Variants in ATF1 observed in about 807,000 individuals in gnomAD.
The protein encoded by ATF1 is activating transcription factor 1, also known as cyclic AMP-dependent transcription factor ATF-1.
In ATF1, 16 loss-of-function variants were observed where a neutral mutation model predicts 34.7. The ratio of observed to expected loss-of-function variants is 0.46; its 90% confidence interval spans 0.31 to 0.70. The LOEUF (loss-of-function observed/expected upper bound fraction) is 0.70. Ranked by LOEUF, ATF1 falls within the 30% of genes least tolerant of loss-of-function variation. The probability of loss-of-function intolerance (pLI) is 0.05; values close to 1 mark genes in which losing one functional copy is unlikely to be tolerated. For synonymous variants in ATF1, 105 were observed against 113.1 expected (o/e 0.93, Z 0.46); for missense variants, 255 against 321.6 (o/e 0.79, Z 1.58).
intron 3 of ATF1, among the ~76,000 whole-genome samples, chr12:50,804,040 C>G (rs1941566614): frequency 6.6e-6 from 1 of 152,124 alleles, no homozygotes; most frequent in Non-Finnish European, 1.5e-5. Flanking sequence ...GGTTGCACAA[C>G]TGTTAATATA....
chr12:50,787,466 C>T (rs1353408350), intron 2 of ATF1, among the ~76,000 whole-genome samples: 2 of 152,098 alleles, frequency 1.3e-5, no homozygotes, highest in Non-Finnish European at 2.9e-5. Context: ...GGTGTGGTGG[C>T]TCACGCCTGT....
rs576274195 is a variant in ATF1 at position 50,787,740 on chromosome 12, T to TA, written c.93+7514dup. Among the ~76,000 whole-genome samples the TA allele has an allele frequency of 1.5e-3, 211 of 144,858 alleles. 1 individual carries two copies. The highest frequency in any genetic ancestry group is 3.0e-3 in the South Asian group (14 of 4,602). On this transcript the variant is annotated intron_variant, in intron 2 of 6. Coordinates refer to ENST00000262053, the MANE Select transcript of ATF1 (RefSeq NM_005171.5). ...CTAGGTGTCAGAGTGAGGCCTTGTC[T>TA]AAAAAAAAAAAATGGTGACACAGGT...
intron 1 of ATF1, among the ~76,000 whole-genome samples, chr12:50,772,186 C>G (rs1178456085): frequency 1.3e-5 from 2 of 152,130 alleles, no homozygotes; most frequent in East Asian, 1.9e-4. Context: ...AGATTGGTCT[C>G]AAACTCCTGG....
intron 2 of ATF1, among the ~76,000 whole-genome samples, chr12:50,784,684 G>C (rs1240870879): frequency 6.6e-6 from 1 of 152,094 alleles, no homozygotes; most frequent in Admixed American, 6.6e-5. Context: ...TATCTTAAAA[G>C]AATCACTCAG....
At position 50,820,897 on chromosome 12, in the gene ATF1, CAA is replaced by C. The variant is rs772174781; in HGVS notation, c.*1120_*1121del. On this transcript the variant is annotated 3_prime_UTR_variant, in exon 7 of 7. Transcript: ENST00000262053. ...ATATAGTTTAGTAAAATTTGCATCT[CAA>C]AGTATCATTTTTATATTATGGGACG... 44 of 179,156 alleles carry C rather than the reference CAA, an allele frequency of 2.5e-4. No individual in the cohort carries two copies. Among genetic ancestry groups the C allele is most frequent in the Non-Finnish European group, 4.0e-4 (33 of 83,442 alleles). The allele number at this position is 179,156 out of a possible 1,614,324, so 11.1% of individuals were successfully genotyped here.
chr12:50,784,140 G>T (rs1941132352), intron 2 of ATF1, among the ~76,000 whole-genome samples: 1 of 151,790 alleles, frequency 6.6e-6, no homozygotes, highest in Non-Finnish European at 1.5e-5. Context: ...TCCAGGCTGG[G>T]TCACAGCATG....
intron 4 of ATF1, among the ~76,000 whole-genome samples, chr12:50,812,357 G>A (rs912048986): frequency 6.6e-6 from 1 of 152,130 alleles, no homozygotes; most frequent in East Asian, 1.9e-4. Flanking sequence ...GGAAGGATGT[G>A]CACCAAAAAC....
At chr12:50,779,997 C>T (rs567359874) in intron 1 of ATF1, 143 bp from the exon 2 acceptor site, 18 of 475,434 alleles carry the variant, frequency 3.8e-5, no homozygotes, top group South Asian at 1.4e-4. Context: ...AGAAAATGCA[C>T]AGTCCCCTTT....
chr12:50,788,093 A>T, intron 2 of ATF1: 1 of 391,876 alleles, frequency 2.6e-6, no homozygotes, highest in East Asian at 7.4e-5. Flanking sequence ...TAACTCAAAT[A>T]TTGGAAATCA....
At position 50,820,571 on chromosome 12, in the gene ATF1, C is replaced by A. The variant is rs774980065; in HGVS notation, c.*792C>A. The A allele has an allele frequency of 1.7e-4, 30 of 179,266 alleles. No homozygotes were observed. In the Middle Eastern group the frequency reaches 0.014, roughly 82 times the overall value. 11.1% of individuals were successfully genotyped at this position (179,266 alleles called of 1,614,324 possible). ...CTATATTCTGTATGCAGTTGAATATCCATTACTTATTCTGCTGTGCTTTAA... is the reference window on the plus strand; with the variant it reads ...CTATATTCTGTATGCAGTTGAATATACATTACTTATTCTGCTGTGCTTTAA... On this transcript the variant is annotated 3_prime_UTR_variant, in exon 7 of 7. Coordinates refer to ENST00000262053, the MANE Select transcript of ATF1 (RefSeq NM_005171.5).
Position 50,821,072 on chromosome 12 carries a change from C to G in ATF1, c.*1293C>G, listed in dbSNP as rs546687900. The G allele has an allele frequency of 2.0e-4, 36 of 179,412 alleles. No individual in the cohort carries two copies. Among genetic ancestry groups the G allele is most frequent in the African/African-American group, 8.5e-4 (36 of 42,452 alleles). 11.1% of individuals were successfully genotyped at this position (179,412 alleles called of 1,614,324 possible). A position where few individuals can be genotyped will look rare whatever the true frequency, so the allele number is the denominator to read the frequency against. On this transcript the variant is annotated 3_prime_UTR_variant, in exon 7 of 7. Coordinates refer to ENST00000262053, the MANE Select transcript of ATF1 (RefSeq NM_005171.5). ...ACTGCAAAACTATTGTGTGCTCTTA[C>G]ACAGTATGCATCATATTGTTGTCTG... is the stretch of plus-strand genomic sequence containing the variant.
chr12:50,808,152 T>TTTCC (rs1179221205), intron 3 of ATF1, among the ~76,000 whole-genome samples: 1 of 152,182 alleles, frequency 6.6e-6, no homozygotes, highest in African/African-American at 2.4e-5. Flanking sequence ...AGGAATACTT[T>TTTCC]TTCCATCCCT....
At chr12:50,794,087 A>G (rs1280635109) in intron 2 of ATF1, among the ~76,000 whole-genome samples, 1 of 151,684 alleles carries the variant, frequency 6.6e-6, no homozygotes, top group Non-Finnish European at 1.5e-5. Flanking sequence ...AGTAGCTGGG[A>G]CTACAGGCGC....
chr12:50,777,381 G>C (rs1219500434), intron 1 of ATF1, among the ~76,000 whole-genome samples: 1 of 152,026 alleles, frequency 6.6e-6, no homozygotes, highest in Non-Finnish European at 1.5e-5. Context: ...AAGACTAGTG[G>C]TGTATTTGAG....
chr12:50,798,638 GTC>G (rs1263886391), intron 3 of ATF1, among the ~76,000 whole-genome samples: 1 of 151,972 alleles, frequency 6.6e-6, no homozygotes, highest in African/African-American at 2.4e-5. Context: ...TTAAGTAGGG[GTC>G]TCTCAGGAAG....
chr12:50,780,099 G>C (rs1565903006), intron 1 of ATF1, 41 bp from the exon 2 acceptor site: 1 of 1,430,024 alleles, frequency 7.0e-7, no homozygotes, highest in Non-Finnish European at 9.8e-7. Flanking sequence ...TAAACATTCT[G>C]TATCATATTT....
chr12:50,765,482 G>A (rs1411801126), intron 1 of ATF1, among the ~76,000 whole-genome samples: 2 of 152,146 alleles, frequency 1.3e-5, no homozygotes, highest in African/African-American at 2.4e-5. Flanking sequence ...TTTAAATATA[G>A]GGTGTGCTAT....
chr12:50,808,814 A>G (rs1375461732), intron 3 of ATF1, among the ~76,000 whole-genome samples: 2 of 150,064 alleles, frequency 1.3e-5, no homozygotes, highest in Non-Finnish European at 1.5e-5. Flanking sequence ...ACCTCGACTC[A>G]CTGCAACCTC....
intron 1 of ATF1, among the ~76,000 whole-genome samples, chr12:50,779,697 A>G (rs1449282600): frequency 6.6e-6 from 1 of 152,110 alleles, no homozygotes. Flanking sequence ...TAGCCTACAT[A>G]TCCTGAAGTT....
Sources: gnomAD v4.1 joint callset for allele counts (sites outside exome capture counted in the v4.1 genomes callset) on GRCh38, gnomAD v4.1.1 for gene constraint, MANE v1.5 for transcripts, NCBI Gene and HGNC (gene_info 2026-07-23, HGNC 2026-07-21) for gene names.